The following ANXA8 variants were observed in gnomAD, a reference collection of about 807,000 sequenced individuals.
ANXA8 encodes VAC-beta.
Under a neutral mutation model 26.8 loss-of-function variants are expected in ANXA8, and 9 were observed. That is an observed-to-expected ratio of 0.34 (90% CI 0.20 to 0.59). The LOEUF (loss-of-function observed/expected upper bound fraction) is 0.59. Ranked by LOEUF, ANXA8 falls within the 20% of genes least tolerant of loss-of-function variation. The pLI is 0.84. For synonymous variants in ANXA8, 39 were observed against 94.8 expected (o/e 0.41, Z 3.42); for missense variants, 83 against 238.5 (o/e 0.35, Z 4.29).
At chr10:47,669,084 A>T in the ANXA8 span, among the ~76,000 whole-genome samples, 4 of 151,768 alleles carry the variant, frequency 2.6e-5, no homozygotes, top group Non-Finnish European at 4.4e-5. Context: ...CCCCGCACCA[A>T]TGTGCTTTAT....
the ANXA8 span, among the ~76,000 whole-genome samples, chr10:47,672,593 G>T: frequency 6.6e-6 from 1 of 151,814 alleles, no homozygotes; most frequent in Non-Finnish European, 1.5e-5. Context: ...CTGCCCTTGT[G>T]GAGGAGACAG....
chr10:47,763,996 T>TG, the ANXA8 span, among the ~76,000 whole-genome samples: 6 of 151,930 alleles, frequency 3.9e-5, no homozygotes, highest in East Asian at 1.2e-3. Flanking sequence ...GGTGGTGAAC[T>TG]GGGGTGCCCC....
chr10:47,769,494 TG>T, the ANXA8 span, among the ~76,000 whole-genome samples: 1 of 150,952 alleles, frequency 6.6e-6, no homozygotes, highest in Admixed American at 6.6e-5. Context: ...ATGACTGTCT[TG>T]GGACTGCGGG....
chr10:47,648,134 C>T, the ANXA8 span, among the ~76,000 whole-genome samples: 2 of 151,586 alleles, frequency 1.3e-5, no homozygotes, highest in East Asian at 3.8e-4. Context: ...GCTCCTAGGG[C>T]AAGGGGATGT....
the ANXA8 span, among the ~76,000 whole-genome samples, chr10:47,659,730 C>G: frequency 6.6e-6 from 1 of 150,800 alleles, no homozygotes; most frequent in South Asian, 2.1e-4. Context: ...GTATGACATA[C>G]CTTGGTTTAA....
At chr10:47,685,306 A>G in the ANXA8 span, among the ~76,000 whole-genome samples, 5 of 149,972 alleles carry the variant, frequency 3.3e-5, no homozygotes, top group Non-Finnish European at 7.4e-5. Context: ...AGATTGTGCC[A>G]TTGCACTCCA....
the ANXA8 span, among the ~76,000 whole-genome samples, chr10:47,981,320 G>GA: frequency 7.2e-6 from 1 of 138,538 alleles, no homozygotes; most frequent in Non-Finnish European, 1.6e-5. Context: ...GAACATCTAT[G>GA]AAAAACCACA....
At chr10:47,667,863 G>A in the ANXA8 span, among the ~76,000 whole-genome samples, 4 of 151,904 alleles carry the variant, frequency 2.6e-5, no homozygotes, top group South Asian at 2.1e-4. Context: ...TCAGCTTCCC[G>A]AGTAGCTGAG....
At chr10:47,744,395 T>C in the ANXA8 span, among the ~76,000 whole-genome samples, 1 of 57,566 alleles carries the variant, frequency 1.7e-5, no homozygotes, top group Non-Finnish European at 3.6e-5. Context: ...TGTCCACACG[T>C]GGGGAAGGCT....
chr10:47,743,303 T>TATAC, the ANXA8 span, among the ~76,000 whole-genome samples: 308 of 53,784 alleles, frequency 5.7e-3, 13 homozygotes, highest in East Asian at 0.037. Context: ...TACACATATA[T>TATAC]ATATATATAC....
chr10:47,716,153 C>T, the ANXA8 span, among the ~76,000 whole-genome samples: 1 of 110,844 alleles, frequency 9.0e-6, no homozygotes. Context: ...CTCAAGTGAT[C>T]CTCTTGCCTT....
At chr10:47,761,067 T>A in the ANXA8 span, 1 of 611,088 alleles carries the variant, frequency 1.6e-6, no homozygotes, top group Non-Finnish European at 2.8e-6. Flanking sequence ...GGCACCATTT[T>A]CTGGGCCCAT....
chr10:47,595,477 A>G, the ANXA8 span, among the ~76,000 whole-genome samples: 1 of 149,168 alleles, frequency 6.7e-6, no homozygotes, highest in Non-Finnish European at 1.5e-5. Context: ...GAATTGGAAT[A>G]AAAAAATCAG....
chr10:47,695,482 G>A, the ANXA8 span, among the ~76,000 whole-genome samples: 3 of 151,798 alleles, frequency 2.0e-5, no homozygotes, highest in Non-Finnish European at 2.9e-5. Flanking sequence ...TGAGTTGGGC[G>A]CTATGAAAGG....
chr10:47,675,674 T>C, the ANXA8 span, among the ~76,000 whole-genome samples: 1 of 151,644 alleles, frequency 6.6e-6, no homozygotes, highest in East Asian at 1.9e-4. Context: ...ATTTAATAAG[T>C]AATCTATTTT....
the ANXA8 span, among the ~76,000 whole-genome samples, chr10:47,663,530 T>G: frequency 2.3e-5 from 3 of 133,126 alleles, no homozygotes; most frequent in African/African-American, 3.3e-5. Flanking sequence ...AAACTACAGG[T>G]GCATGCCACC....
the ANXA8 span, among the ~76,000 whole-genome samples, chr10:47,603,225 G>T: frequency 1.4e-5 from 2 of 147,310 alleles, no homozygotes; most frequent in African/African-American, 2.7e-5. Context: ...ATGTCAAATG[G>T]CAATGACTGC....
At chr10:47,563,791 T>G in the ANXA8 span, 1 of 720,198 alleles carries the variant, frequency 1.4e-6, no homozygotes. Flanking sequence ...GAACTGATTT[T>G]TTTTTAAGTT....
chr10:47,952,448 A>G, the ANXA8 span, among the ~76,000 whole-genome samples: 2 of 150,244 alleles, frequency 1.3e-5, no homozygotes, highest in Non-Finnish European at 2.9e-5. Flanking sequence ...ACAAAAGATC[A>G]GTTGTTTTCC....
Sources: allele counts gnomAD v4.1 joint callset (sites outside exome capture counted in the v4.1 genomes callset), GRCh38; gene constraint gnomAD v4.1.1; transcripts MANE v1.5; gene names NCBI Gene and HGNC (gene_info 2026-07-23, HGNC 2026-07-21).